Variants in MTO1 observed in about 807,000 individuals in gnomAD.
MTO1 encodes mitochondrial tRNA translation optimization 1.
In MTO1, 46 loss-of-function variants were observed where a neutral mutation model predicts 71.6. The observed-to-expected ratio is 0.64, with a 90% CI of 0.51 to 0.82. The LOEUF (loss-of-function observed/expected upper bound fraction) is 0.82. Among genes scored for constraint, MTO1 ranks in the 40% least tolerant of loss-of-function variants. The probability of loss-of-function intolerance (pLI) is 0.00; values close to 1 mark genes in which losing one functional copy is unlikely to be tolerated. For synonymous variants in MTO1, 297 were observed against 312.1 expected, an observed-to-expected ratio of 0.95 and a Z score of 0.51; for missense variants, 773 against 867.5, an observed-to-expected ratio of 0.89 and a Z score of 1.37.
chr6:73,482,687 A>G lies in MTO1; in HGVS notation c.1637+67A>G, dbSNP rs1771540477. 10 of 1,372,868 alleles carry G rather than the reference A, an allele frequency of 7.3e-6. No individual in the cohort carries two copies. In the Admixed American group the frequency reaches 1.8e-4, roughly 25 times the overall value. 85.0% of individuals were successfully genotyped at this position (1,372,868 alleles called of 1,614,324 possible). ...AAATAAGATCATAAGATCATTTCAT[A>G]GAGACATTACCTATGTGTTCCTACC... On this transcript the variant is annotated intron_variant, in intron 9 of 11. Transcript: ENST00000498286.
At chr6:73,463,000 T>C (rs523883) in intron 1 of MTO1, among the ~76,000 whole-genome samples, 136,605 of 151,400 alleles carry the variant, frequency 0.9, 61,774 homozygotes, top group East Asian at 0.95. Context: ...TTGTGATGCC[T>C]TTTGGAAGAA....
In MTO1 at chr6:73,480,284, T is replaced by G. The variant is rs1341896155; in HGVS notation, c.1129+158T>G. The G allele has an allele frequency of 5.8e-5, 50 of 868,882 alleles. 1 individual carries two copies. The Admixed American group carries it at 1.0e-3, about 17-fold the overall frequency. The allele number at this position is 868,882 out of a possible 1,614,324, so 53.8% of individuals were successfully genotyped here. On this transcript the variant is annotated intron_variant, in intron 6 of 11. Coordinates refer to ENST00000498286, the MANE Select transcript of MTO1 (RefSeq NM_012123.4). ...TCTGTTTTTTGTTTGTTTGTTTGTTTGTTTTGAGACGGAGTTTTGCTCTTG... is the reference window on the plus strand; with the variant it reads ...TCTGTTTTTTGTTTGTTTGTTTGTTGGTTTTGAGACGGAGTTTTGCTCTTG...
chr6:73,481,050 T>A, intron 7 of MTO1: 1 of 456,630 alleles, frequency 2.2e-6, no homozygotes, highest in Non-Finnish European at 4.0e-6. Context: ...TCTCCCAGCT[T>A]CAAGCGATCC....
intron 3 of MTO1, among the ~76,000 whole-genome samples, chr6:73,467,377 G>A (rs921864838): frequency 9.9e-5 from 15 of 151,976 alleles, no homozygotes; most frequent in African/African-American, 2.9e-4. Context: ...CACTTTGGGA[G>A]GCCAAGGCAG....
chr6:73,499,917 C>T (rs1469153576), intron 11 of MTO1, among the ~76,000 whole-genome samples: 1 of 152,256 alleles, frequency 6.6e-6, no homozygotes, highest in South Asian at 2.1e-4. Flanking sequence ...CGCTGCCCCA[C>T]ACACTGCTGA....
At chr6:73,493,747 C>A (rs925298420) in intron 10 of MTO1, among the ~76,000 whole-genome samples, 1 of 151,500 alleles carries the variant, frequency 6.6e-6, no homozygotes, top group African/African-American at 2.4e-5. Flanking sequence ...TTATACTCTC[C>A]CCACCTAATG....
Position 73,505,462 on chromosome 6 carries a change from A to G in MTO1, c.*4727A>G, listed in dbSNP as rs1444262144. On this transcript the variant is annotated 3_prime_UTR_variant, in exon 12 of 12. Coordinates refer to ENST00000498286, the MANE Select transcript of MTO1 (RefSeq NM_012123.4). ...AGAGTTACCTGGAGCACTCAAATTC[A>G]TAGAGACAGTAAAATGATGGTTACC... The G allele has an allele frequency of 6.6e-6, 1 of 152,260 alleles. No individual in the cohort carries two copies. 9.4% of individuals were successfully genotyped at this position (152,260 alleles called of 1,614,324 possible). A position where few individuals can be genotyped will look rare whatever the true frequency, so the allele number is the denominator to read the frequency against.
intron 9 of MTO1, among the ~76,000 whole-genome samples, chr6:73,483,280 A>G (rs2150038078): frequency 6.6e-6 from 1 of 151,996 alleles, no homozygotes; most frequent in South Asian, 2.1e-4. Flanking sequence ...GTGGTAGTGC[A>G]CACCTGTAAT....
At chr6:73,470,017 G>T (rs1205373672) in intron 3 of MTO1, among the ~76,000 whole-genome samples, 2 of 151,842 alleles carry the variant, frequency 1.3e-5, no homozygotes, top group African/African-American at 2.4e-5. Flanking sequence ...AAAAAGAAAA[G>T]ATTTGAACCA....
chr6:73,493,204 C>T (rs1311219341), intron 10 of MTO1, among the ~76,000 whole-genome samples: 1 of 151,732 alleles, frequency 6.6e-6, no homozygotes, highest in Non-Finnish European at 1.5e-5. Context: ...CCATGTTGGC[C>T]AGGCTGGTCT....
At chr6:73,482,823 G>T (rs1582688141) in intron 9 of MTO1, among the ~76,000 whole-genome samples, 1 of 106,162 alleles carries the variant, frequency 9.4e-6, no homozygotes, top group Non-Finnish European at 1.7e-5. Context: ...AGACAGTCTC[G>T]CTCTTTCACC....
chr6:73,477,269 G>A (rs1007639836), intron 4 of MTO1, among the ~76,000 whole-genome samples: 17 of 149,862 alleles, frequency 1.1e-4, no homozygotes, highest in Non-Finnish European at 2.2e-4. Context: ...GGTGGCATGC[G>A]CCTGTAATCC....
intron 3 of MTO1, among the ~76,000 whole-genome samples, chr6:73,467,605 C>T (rs1034490406): frequency 2.5e-5 from 2 of 80,004 alleles, no homozygotes; most frequent in African/African-American, 7.8e-5. Flanking sequence ...AAGAGCGAAA[C>T]TCTGTCTCAA....
At chr6:73,484,710 T>A (rs1771603518) in intron 9 of MTO1, among the ~76,000 whole-genome samples, 1 of 152,192 alleles carries the variant, frequency 6.6e-6, no homozygotes, top group Non-Finnish European at 1.5e-5. Flanking sequence ...AGCTGTTTAT[T>A]CATTTGTTTA....
chr6:73,500,830 C>T lies in MTO1; in HGVS notation c.*95C>T. On this transcript the variant is annotated 3_prime_UTR_variant, in exon 12 of 12. Transcript: ENST00000498286. Reference sequence around the variant, plus strand: ...AATTATTTAGCACATGTTAAAATAGCTTTATTAGGTTACTATGGGTTTGCC... The same window carrying T: ...AATTATTTAGCACATGTTAAAATAGTTTTATTAGGTTACTATGGGTTTGCC... The T allele has an allele frequency of 9.4e-7, 1 of 1,059,458 alleles. No homozygotes were observed. The highest frequency in any genetic ancestry group is 3.1e-5 in the East Asian group (1 of 32,188). 65.6% of individuals were successfully genotyped at this position (1,059,458 alleles called of 1,614,324 possible).
chr6:73,463,627 CTG>C (rs1438094237), intron 1 of MTO1, among the ~76,000 whole-genome samples: 8 of 152,094 alleles, frequency 5.3e-5, no homozygotes, highest in Non-Finnish European at 8.8e-5. Flanking sequence ...CAGCTCATAA[CTG>C]TGAAGAAATA....
At chr6:73,476,266 C>T (rs1387729739) in intron 4 of MTO1, among the ~76,000 whole-genome samples, 5 of 150,062 alleles carry the variant, frequency 3.3e-5, no homozygotes, top group African/African-American at 7.3e-5. Context: ...CCCAGCTACT[C>T]GGGAGGCTGA....
chr6:73,480,121 A>C lies in MTO1; in HGVS notation c.1124A>C (p.Gln375Pro). ...GGCTTGGAGAAAGCTAAAGTGATTCAGCCAGGTAAAGAAGATCACAAGTGC... is the reference window on the plus strand; with the variant it reads ...GGCTTGGAGAAAGCTAAAGTGATTCCGCCAGGTAAAGAAGATCACAAGTGC... ...IRGLEKAKVIQPGYGVQYDYL... is the reference protein window; with the variant it reads ...IRGLEKAKVIPPGYGVQYDYL... Residue 375 changes from glutamine to proline, a missense_variant, in exon 6 of 12, where the codon CAG becomes CCG. Gln to Pro is a moderately conservative substitution (Grantham distance 76). Coordinates refer to ENST00000498286, the MANE Select transcript of MTO1 (RefSeq NM_012123.4). 6.2e-7 allele frequency: 1 copy of C among 1,613,660 alleles called. No homozygotes were observed. The highest frequency in any genetic ancestry group is 1.3e-5 in the African/African-American group (1 of 74,908).
At chr6:73,493,471 A>T (rs570909416) in intron 10 of MTO1, among the ~76,000 whole-genome samples, 33 of 150,078 alleles carry the variant, frequency 2.2e-4, no homozygotes, top group African/African-American at 7.4e-4. Flanking sequence ...GCTCACTGCA[A>T]CCTACACCTC....
Sources: gnomAD v4.1 joint callset for allele counts (sites outside exome capture counted in the v4.1 genomes callset) on GRCh38, gnomAD v4.1.1 for gene constraint, MANE v1.5 for transcripts, NCBI Gene and HGNC (gene_info 2026-07-23, HGNC 2026-07-21) for gene names.